Variants in RTN4RL1 observed in about 807,000 individuals in gnomAD.
RTN4RL1 encodes reticulon 4 receptor like 1.
In RTN4RL1, 7 loss-of-function variants were observed where a neutral mutation model predicts 25.6. The observed-to-expected ratio is 0.27, with a 90% CI of 0.16 to 0.51. RTN4RL1 has a LOEUF of 0.51. Ranked by LOEUF, RTN4RL1 falls within the 20% of genes least tolerant of loss-of-function variation. The pLI, the probability that RTN4RL1 is intolerant of heterozygous loss-of-function variation, is 0.97. For synonymous variants in RTN4RL1, 297 were observed against 288.2 expected (o/e 1.03, Z -0.31); for missense variants, 500 against 615.6 (o/e 0.81, Z 1.99).
chr17:1,950,160 G>C (rs958378654), intron 1 of RTN4RL1, among the ~76,000 whole-genome samples: 8 of 152,160 alleles, frequency 5.3e-5, no homozygotes, highest in Middle Eastern at 3.2e-3. Context: ...GGGTGAGTTG[G>C]GGGGGAGCAA....
At chr17:1,947,721 C>T (rs1873518551) in intron 1 of RTN4RL1, among the ~76,000 whole-genome samples, 1 of 152,240 alleles carries the variant, frequency 6.6e-6, no homozygotes, top group South Asian at 2.1e-4. Context: ...ACCCTCTGCC[C>T]ATCGGGTCTC....
At chr17:1,999,722 T>C (rs997383410) in intron 1 of RTN4RL1, among the ~76,000 whole-genome samples, 1 of 152,002 alleles carries the variant, frequency 6.6e-6, no homozygotes, top group African/African-American at 2.4e-5. Context: ...GCGTGCTGAC[T>C]GCAGGCGGCT....
intron 1 of RTN4RL1, among the ~76,000 whole-genome samples, chr17:1,953,988 C>T (rs1567508174): frequency 6.6e-6 from 1 of 152,208 alleles, no homozygotes; most frequent in Admixed American, 6.5e-5. Flanking sequence ...CATGAAGGGA[C>T]CAGCCCAAAG....
intron 1 of RTN4RL1, among the ~76,000 whole-genome samples, chr17:1,983,110 G>T (rs547573027): frequency 6.6e-6 from 1 of 151,682 alleles, no homozygotes; most frequent in African/African-American, 2.4e-5. Context: ...GAGTGCAATG[G>T]CGCCATCTCG....
intron 1 of RTN4RL1, among the ~76,000 whole-genome samples, chr17:2,011,905 TCCCTCGGC>T (rs1567526840): frequency 6.6e-6 from 1 of 152,128 alleles, no homozygotes; most frequent in African/African-American, 2.4e-5. Flanking sequence ...CGAGCCTCTT[TCCCTCGGC>T]CCCTCCTCGC....
intron 1 of RTN4RL1, among the ~76,000 whole-genome samples, chr17:2,023,960 C>T (rs1278898150): frequency 6.6e-6 from 1 of 152,090 alleles, no homozygotes; most frequent in Non-Finnish European, 1.5e-5. Flanking sequence ...ACAGCCTGCT[C>T]GGGCCTGGGA....
At chr17:2,006,499 C>T (rs112176793) in intron 1 of RTN4RL1, among the ~76,000 whole-genome samples, 45,055 of 137,828 alleles carry the variant, frequency 0.33, 7,202 homozygotes, top group East Asian at 0.54. Context: ...GTCACCCAGG[C>T]TGGGGTGCAG....
intron 1 of RTN4RL1, among the ~76,000 whole-genome samples, chr17:2,022,707 G>A (rs2067224572): frequency 6.6e-6 from 1 of 152,236 alleles, no homozygotes; most frequent in Admixed American, 6.5e-5. Flanking sequence ...ATGCCCTAGG[G>A]GCGGTCTCCA....
At position 1,937,491 on chromosome 17, in the gene RTN4RL1, G is replaced by A. The variant is rs372360468; in HGVS notation, c.331C>T (p.Arg111Trp). Residue 111 changes from arginine to tryptophan, a missense_variant, in exon 2 of 2, where the codon CGG (arginine) becomes TGG (tryptophan). Transcript: ENST00000331238. Reference sequence around the variant, plus strand: ...TCGGGTGCCAGCGTCCGCAGCTGCCGGTTGTCGCCGAGGTCCAGCTCCTCC... The same window carrying A: ...TCGGGTGCCAGCGTCCGCAGCTGCCAGTTGTCGCCGAGGTCCAGCTCCTCC... ...HLEELDLGDN[R>W]QLRTLAPETF... The A allele has an allele frequency of 3.7e-6, 6 of 1,613,836 alleles. No homozygotes were observed. In the African/African-American group the frequency reaches 4.0e-5, roughly 11 times the overall value.
chr17:1,935,863 T>A lies in RTN4RL1; in HGVS notation c.*633A>T. ...CTAGATTTCAGCCTCTGATGATCTTTCCTTTGGTAATTGGTTCTTGGACCC... is the reference window on the plus strand; with the variant it reads ...CTAGATTTCAGCCTCTGATGATCTTACCTTTGGTAATTGGTTCTTGGACCC... On this transcript the variant is annotated 3_prime_UTR_variant, in exon 2 of 2. Transcript: ENST00000331238. 1 of 985,332 alleles carries A rather than the reference T, an allele frequency of 1.0e-6. No individual in the cohort carries two copies. Among genetic ancestry groups the A allele is most frequent in the Non-Finnish European group, 1.2e-6 (1 of 829,808 alleles). The allele number at this position is 985,332 out of a possible 1,614,324, so 61.0% of individuals were successfully genotyped here.
intron 1 of RTN4RL1, chr17:2,020,688 T>A (rs1303287078): frequency 6.6e-6 from 1 of 152,288 alleles, no homozygotes; most frequent in African/African-American, 2.4e-5. Context: ...GATGTACAGA[T>A]AAAGTCTAAT....
intron 1 of RTN4RL1, among the ~76,000 whole-genome samples, chr17:1,953,527 A>C (rs537825757): frequency 6.6e-6 from 1 of 152,014 alleles, no homozygotes; most frequent in African/African-American, 2.4e-5. Flanking sequence ...CGTTGTGCAC[A>C]TGTTCCCTAG....
intron 1 of RTN4RL1, among the ~76,000 whole-genome samples, chr17:1,971,298 T>C (rs1278306106): frequency 6.6e-6 from 1 of 152,242 alleles, no homozygotes; most frequent in Non-Finnish European, 1.5e-5. Context: ...TTGCTTCCCC[T>C]TCCGCCATGA....
chr17:1,941,625 G>C (rs961731440), intron 1 of RTN4RL1, among the ~76,000 whole-genome samples: 1 of 152,086 alleles, frequency 6.6e-6, no homozygotes, highest in Admixed American at 6.5e-5. Flanking sequence ...ATCCGAGCCC[G>C]GGGGAGTGCT....
At position 1,935,978 on chromosome 17, in the gene RTN4RL1, A is replaced by G. The variant is rs9906592; in HGVS notation, c.*518T>C. 851,437 of 985,966 alleles carry G rather than the reference A, an allele frequency of 0.86. 368,154 individuals are homozygous for G. Among genetic ancestry groups the G allele is most frequent in the African/African-American group, 0.9 (51,703 of 57,248 alleles). 61.1% of individuals were successfully genotyped at this position (985,966 alleles called of 1,614,324 possible). On this transcript the variant is annotated 3_prime_UTR_variant, in exon 2 of 2. Coordinates refer to ENST00000331238, the MANE Select transcript of RTN4RL1 (RefSeq NM_178568.4). ...AGGGAGGGGCTGAAGGTGGAGTAGGATAGAATTCAGGGCAGGGTGACTGGC... is the reference window on the plus strand; with the variant it reads ...AGGGAGGGGCTGAAGGTGGAGTAGGGTAGAATTCAGGGCAGGGTGACTGGC...
At chr17:1,996,202 G>C (rs1220296343) in intron 1 of RTN4RL1, among the ~76,000 whole-genome samples, 1 of 152,188 alleles carries the variant, frequency 6.6e-6, no homozygotes, top group African/African-American at 2.4e-5. Flanking sequence ...AGGAAAGCTT[G>C]AATCTGTCTC....
At chr17:1,943,642 C>T (rs887051942) in intron 1 of RTN4RL1, among the ~76,000 whole-genome samples, 13 of 152,218 alleles carry the variant, frequency 8.5e-5, no homozygotes, top group Non-Finnish European at 1.6e-4. Flanking sequence ...CAGGCCAGGC[C>T]GGCTGCACTT....
At chr17:1,972,517 C>A (rs1422661657) in intron 1 of RTN4RL1, among the ~76,000 whole-genome samples, 1 of 151,956 alleles carries the variant, frequency 6.6e-6, no homozygotes, top group Non-Finnish European at 1.5e-5. Context: ...CACCCTTGAC[C>A]CTTCCCGCTT....
In RTN4RL1 at chr17:2,020,680, T is replaced by C. The variant is rs80159234; in HGVS notation, c.13+4173A>G. ...TGTGTTTGACTGATTTTGTGGTTGA[T>C]GTACAGATAAAGTCTAATGAAAGAC... On this transcript the variant is annotated intron_variant, in intron 1 of 1. Transcript: ENST00000331238. 2.9e-3 allele frequency: 447 copies of C among 152,370 alleles called. 7 individuals are homozygous for C. The highest frequency in any genetic ancestry group is 0.01 in the African/African-American group (429 of 41,570). 9.4% of individuals were successfully genotyped at this position (152,370 alleles called of 1,614,324 possible).
Sources: allele counts gnomAD v4.1 joint callset (sites outside exome capture counted in the v4.1 genomes callset), GRCh38; gene constraint gnomAD v4.1.1; transcripts MANE v1.5; gene names NCBI Gene and HGNC (gene_info 2026-07-23, HGNC 2026-07-21).